Variants in TRPM7 observed in about 807,000 individuals in gnomAD.
TRPM7 encodes the protein LTRPC ion channel family member 7.
A neutral mutation model predicts 229.7 loss-of-function variants in TRPM7; 134 were observed. That is an observed-to-expected ratio of 0.58 (90% CI 0.51 to 0.67). TRPM7 has a LOEUF of 0.67. Ranked by LOEUF, TRPM7 falls within the 30% of genes least tolerant of loss-of-function variation. The pLI is 0.00. For missense variants in TRPM7, 1,901 were observed against 2,210.0 expected, an observed-to-expected ratio of 0.86 and a Z score of 2.80; for synonymous variants, 699 against 715.2, an observed-to-expected ratio of 0.98 and a Z score of 0.36.
chr15:50,589,391 G>A (rs485324), intron 27 of TRPM7, among the ~76,000 whole-genome samples: 11,417 of 150,004 alleles, frequency 0.076, 559 homozygotes, highest in South Asian at 0.12. Flanking sequence ...GTATAATTAC[G>A]CAAGCTGTTT....
intron 13 of TRPM7, among the ~76,000 whole-genome samples, chr15:50,616,020 G>A (rs1287814156): frequency 6.6e-6 from 1 of 151,862 alleles, no homozygotes; most frequent in Non-Finnish European, 1.5e-5. Flanking sequence ...CAAGATTTTT[G>A]GTTTTAACTC....
intron 13 of TRPM7, among the ~76,000 whole-genome samples, chr15:50,617,172 A>AAAT (rs1179909514): frequency 7.7e-6 from 1 of 130,140 alleles, no homozygotes; most frequent in African/African-American, 3.1e-5. Context: ...ATAAATAAAT[A>AAAT]AATAAATAAA....
intron 1 of TRPM7, among the ~76,000 whole-genome samples, chr15:50,670,793 T>C (rs981455053): frequency 7.1e-6 from 1 of 140,534 alleles, no homozygotes; most frequent in Non-Finnish European, 1.5e-5. Context: ...TTCACTTTAC[T>C]GTAAAAAAAA....
intron 38 of TRPM7, among the ~76,000 whole-genome samples, chr15:50,564,752 A>G (rs1245737425): frequency 1.3e-5 from 2 of 152,178 alleles, no homozygotes; most frequent in Admixed American, 1.3e-4. Flanking sequence ...TCTAAGAAAC[A>G]GCCTATATTA....
At chr15:50,665,392 CTAA>C (rs2061854803) in intron 1 of TRPM7, among the ~76,000 whole-genome samples, 1 of 120,450 alleles carries the variant, frequency 8.3e-6, no homozygotes, top group Non-Finnish European at 1.9e-5. Flanking sequence ...AAAACTCTGT[CTAA>C]AAAAAAAAAA....
At position 50,592,227 on chromosome 15, in the gene TRPM7, T is replaced by A; in HGVS notation, c.4008A>T (p.Ala1336=). The change falls in exon 26 of 39, where the codon GCA becomes GCT. Residue 1336 remains alanine (A), a synonymous_variant. Transcript: ENST00000646667. ...AATTAAATTCTTTTCTCTGGGGTAC[T>A]GCAGGTAAGTCTTGACCAAATATAT... is the stretch of plus-strand genomic sequence containing the variant. The part of the protein sequence containing the change: ...QCNIFGQDLP[A]VPQRKEFNFP... 6.2e-7 allele frequency: 1 copy of A among 1,614,216 alleles called. No homozygotes were observed. Among genetic ancestry groups the A allele is most frequent in the Non-Finnish European group, 8.5e-7 (1 of 1,180,032 alleles).
intron 5 of TRPM7, among the ~76,000 whole-genome samples, chr15:50,642,085 G>C (rs1408287958): frequency 6.6e-6 from 1 of 151,980 alleles, no homozygotes; most frequent in Non-Finnish European, 1.5e-5. Flanking sequence ...AAAGTAATCT[G>C]CCCTCTTTAT....
intron 33 of TRPM7, among the ~76,000 whole-genome samples, chr15:50,575,473 A>G (rs1484170358): frequency 6.6e-6 from 1 of 152,218 alleles, no homozygotes; most frequent in Non-Finnish European, 1.5e-5. Context: ...ATTACTAGAT[A>G]GTGGATCAAG....
chr15:50,613,946 C>T lies in TRPM7; in HGVS notation c.1636-105G>A, dbSNP rs1596196086. 4.3e-6 allele frequency: 6 copies of T among 1,401,578 alleles called. No individual in the cohort carries two copies. The East Asian group carries it at 1.2e-4, about 27-fold the overall frequency. 86.8% of individuals were successfully genotyped at this position (1,401,578 alleles called of 1,614,324 possible). On this transcript the variant is annotated intron_variant, in intron 14 of 38. Transcript: ENST00000646667. ...GTGTGCAAATGTGTTTGTGTACACA[C>T]ACAAAATATGACTGATTTAGGATTT... is the stretch of plus-strand genomic sequence containing the variant.
intron 3 of TRPM7, among the ~76,000 whole-genome samples, chr15:50,652,328 CAAAAAAAAAAAAA>C (rs34122648): frequency 0.011 from 374 of 34,236 alleles, 3 homozygotes; most frequent in African/African-American, 0.049. Flanking sequence ...GACTCCATCT[CAAAAAAAAAAAAA>C]AAAAAAAAAA....
intron 3 of TRPM7, among the ~76,000 whole-genome samples, chr15:50,650,142 G>A (rs1305679160): frequency 7.5e-6 from 1 of 133,272 alleles, no homozygotes; most frequent in Non-Finnish European, 1.5e-5. Context: ...ACAGTGAGCA[G>A]AGATTGGGCC....
At chr15:50,641,997 C>CAA (rs36020101) in intron 5 of TRPM7, among the ~76,000 whole-genome samples, 44 of 122,000 alleles carry the variant, frequency 3.6e-4, no homozygotes, top group African/African-American at 1.3e-3. Flanking sequence ...GACTCTGTCT[C>CAA]AAAAAAAAAA....
intron 3 of TRPM7, among the ~76,000 whole-genome samples, chr15:50,650,303 C>T (rs965538009): frequency 1.3e-5 from 2 of 149,900 alleles, no homozygotes; most frequent in Non-Finnish European, 3.0e-5. Flanking sequence ...GGGCAGGGAA[C>T]ACTTTATGTT....
intron 12 of TRPM7, among the ~76,000 whole-genome samples, 172 bp from the exon 13 acceptor site, chr15:50,619,970 AAAT>A (rs1430480737): frequency 6.6e-6 from 1 of 152,224 alleles, no homozygotes; most frequent in African/African-American, 2.4e-5. Flanking sequence ...GCCAAAAAAC[AAAT>A]AATCTTAAGA....
At position 50,644,971 on chromosome 15, in the gene TRPM7, G is replaced by A. The variant is rs573386651; in HGVS notation, c.322-1418C>T. 1.2e-4 allele frequency among the ~76,000 whole-genome samples: 18 copies of A among 149,756 alleles called. No individual in the cohort carries two copies. In the East Asian group the frequency reaches 1.2e-3, roughly 10 times the overall value. On this transcript the variant is annotated intron_variant, in intron 4 of 38. Transcript: ENST00000646667. The stretch of plus-strand genomic sequence containing the variant: ...GGCTGGAGTGCAGTGGCGCCACCAC[G>A]GCTCACTGCAGCCTCTGCCTCCCAG...
At chr15:50,613,238 C>T (rs917549826) in intron 15 of TRPM7, among the ~76,000 whole-genome samples, 6 of 151,982 alleles carry the variant, frequency 3.9e-5, no homozygotes, top group African/African-American at 1.5e-4. Flanking sequence ...GCGCGGTGGC[C>T]CACGCCTGTA....
At chr15:50,610,558 A>G (rs755635223) in intron 17 of TRPM7, among the ~76,000 whole-genome samples, 61 of 152,160 alleles carry the variant, frequency 4.0e-4, no homozygotes, top group Non-Finnish European at 8.1e-4. Context: ...TTTAAAAGAT[A>G]TAAGATAACA....
chr15:50,626,432 GTGTC>G (rs2060561574), intron 11 of TRPM7, among the ~76,000 whole-genome samples: 1 of 152,004 alleles, frequency 6.6e-6, no homozygotes, highest in Non-Finnish European at 1.5e-5. Context: ...TTAAAAAAAA[GTGTC>G]TGTTTTGTAA....
chr15:50,660,039 G>T (rs2061686962), intron 2 of TRPM7, among the ~76,000 whole-genome samples: 2 of 152,096 alleles, frequency 1.3e-5, no homozygotes, highest in Admixed American at 1.3e-4. Context: ...TTTAGAACTG[G>T]CACACTGAAC....
Sources: allele counts gnomAD v4.1 joint callset (sites outside exome capture counted in the v4.1 genomes callset), GRCh38; gene constraint gnomAD v4.1.1; transcripts MANE v1.5; gene names NCBI Gene and HGNC (gene_info 2026-07-23, HGNC 2026-07-21).